SLC24A2: variants seen among roughly 807,000 people sequenced by gnomAD.
SLC24A2 encodes sodium/potassium/calcium exchanger 2.
SLC24A2 carries 36 observed loss-of-function variants against 62.0 expected under a neutral mutation model. The observed-to-expected ratio is 0.58, with a 90% CI of 0.44 to 0.77. The LOEUF is 0.77. Ranked by LOEUF, SLC24A2 falls within the 30% of genes least tolerant of loss-of-function variation. SLC24A2 has a pLI of 0.00. For missense variants in SLC24A2, 846 were observed against 817.9 expected, an observed-to-expected ratio of 1.03 and a Z score of -0.42; for synonymous variants, 358 against 294.0, an observed-to-expected ratio of 1.22 and a Z score of -2.23.
At chr9:20,023,358 G>A in the SLC24A2 span, among the ~76,000 whole-genome samples, 1 of 152,218 alleles carries the variant, frequency 6.6e-6, no homozygotes, top group African/African-American at 2.4e-5. Flanking sequence ...AAACACAAAG[G>A]GAACTCCATA....
At chr9:19,903,039 CTT>C in the SLC24A2 span, among the ~76,000 whole-genome samples, 12 of 145,750 alleles carry the variant, frequency 8.2e-5, no homozygotes, top group African/African-American at 1.8e-4. Context: ...AAAAATCAGG[CTT>C]TTTTTTTTTT....
intron 10 of SLC24A2, among the ~76,000 whole-genome samples, chr9:19,519,726 C>T (rs1039182591): frequency 3.3e-5 from 5 of 152,160 alleles, no homozygotes; most frequent in African/African-American, 9.7e-5. Flanking sequence ...GGGCAAGAGC[C>T]TCCAAGTCAG....
chr9:20,063,119 T>C, the SLC24A2 span, among the ~76,000 whole-genome samples: 1 of 122,606 alleles, frequency 8.2e-6, no homozygotes, highest in Admixed American at 9.5e-5. Context: ...AAATACCATT[T>C]GACACAGCCA....
chr9:19,772,086 G>C (rs1375277842), intron 2 of SLC24A2, among the ~76,000 whole-genome samples: 1 of 152,146 alleles, frequency 6.6e-6, no homozygotes, highest in Non-Finnish European at 1.5e-5. Context: ...ATTTTATGAC[G>C]AGAAAGTCTT....
At chr9:20,291,182 G>A in the SLC24A2 span, among the ~76,000 whole-genome samples, 1 of 152,104 alleles carries the variant, frequency 6.6e-6, no homozygotes, top group Non-Finnish European at 1.5e-5. Context: ...GCAACTGAGA[G>A]CAAGCAAGGC....
intron 3 of SLC24A2, among the ~76,000 whole-genome samples, chr9:19,620,383 T>C (rs1390769541): frequency 2.0e-5 from 3 of 152,212 alleles, no homozygotes; most frequent in Non-Finnish European, 4.4e-5. Flanking sequence ...ACTACAGCTC[T>C]AATCCAGAAA....
chr9:20,287,260 G>C, the SLC24A2 span, among the ~76,000 whole-genome samples: 2 of 152,184 alleles, frequency 1.3e-5, no homozygotes, highest in African/African-American at 2.4e-5. Context: ...TGGTCCTCCT[G>C]ATAAGGACTA....
chr9:19,716,011 G>T (rs1820850359), intron 2 of SLC24A2, among the ~76,000 whole-genome samples: 1 of 152,074 alleles, frequency 6.6e-6, no homozygotes, highest in Non-Finnish European at 1.5e-5. Context: ...AACAATATAT[G>T]GGCAAAATAT....
chr9:19,568,159 G>C (rs1259813416), intron 7 of SLC24A2, among the ~76,000 whole-genome samples: 3 of 152,070 alleles, frequency 2.0e-5, no homozygotes, highest in Admixed American at 6.6e-5. Flanking sequence ...AAAATGAAAA[G>C]CCATTGAATC....
the SLC24A2 span, among the ~76,000 whole-genome samples, chr9:20,251,669 T>C: frequency 6.6e-6 from 1 of 152,308 alleles, no homozygotes; most frequent in African/African-American, 2.4e-5. Context: ...GCTGCAGCAA[T>C]TTTTAAAAAT....
At chr9:20,215,404 T>A in the SLC24A2 span, among the ~76,000 whole-genome samples, 1 of 152,140 alleles carries the variant, frequency 6.6e-6, no homozygotes, top group Non-Finnish European at 1.5e-5. Context: ...AACAATTCTT[T>A]CAATGGGTAG....
chr9:20,109,939 A>G, the SLC24A2 span, among the ~76,000 whole-genome samples: 3 of 152,162 alleles, frequency 2.0e-5, no homozygotes, highest in African/African-American at 7.2e-5. Context: ...ATTTTTCTTT[A>G]AAGATTTCCT....
chr9:20,295,028 G>GTATATATA, the SLC24A2 span, among the ~76,000 whole-genome samples: 4 of 141,364 alleles, frequency 2.8e-5, no homozygotes, highest in Non-Finnish European at 6.1e-5. Flanking sequence ...GTGCATATGT[G>GTATATATA]TATATATGTA....
At chr9:19,906,463 G>C in the SLC24A2 span, among the ~76,000 whole-genome samples, 1 of 151,662 alleles carries the variant, frequency 6.6e-6, no homozygotes. Context: ...CAGAAGGCAA[G>C]AAATAACTAA....
At chr9:19,741,049 T>C (rs2118765856) in intron 2 of SLC24A2, among the ~76,000 whole-genome samples, 1 of 152,304 alleles carries the variant, frequency 6.6e-6, no homozygotes, top group African/African-American at 2.4e-5. Flanking sequence ...GATGTTGCTA[T>C]CCTCTGTATG....
the SLC24A2 span, among the ~76,000 whole-genome samples, chr9:20,240,978 A>G: frequency 6.6e-6 from 1 of 152,208 alleles, no homozygotes; most frequent in African/African-American, 2.4e-5. Flanking sequence ...TCTTAACTTC[A>G]TAAGAAGATG....
chr9:20,249,341 C>G, the SLC24A2 span, among the ~76,000 whole-genome samples: 2 of 152,084 alleles, frequency 1.3e-5, no homozygotes, highest in African/African-American at 2.4e-5. Context: ...ATTTCCTGAG[C>G]CTCAGTTTTC....
the SLC24A2 span, among the ~76,000 whole-genome samples, chr9:20,257,491 T>G: frequency 8.9e-6 from 1 of 112,792 alleles, no homozygotes; most frequent in African/African-American, 3.0e-5. Context: ...GAAAAGGCAC[T>G]GGTGTTAGGA....
chr9:19,578,915 C>G (rs1247364012), intron 5 of SLC24A2, among the ~76,000 whole-genome samples: 1 of 152,092 alleles, frequency 6.6e-6, no homozygotes, highest in African/African-American at 2.4e-5. Context: ...GCCATAAGTA[C>G]CTTAGTCTAG....
Sources: allele counts gnomAD v4.1 joint callset (sites outside exome capture counted in the v4.1 genomes callset), GRCh38; gene constraint gnomAD v4.1.1; transcripts MANE v1.5; gene names NCBI Gene and HGNC (gene_info 2026-07-23, HGNC 2026-07-21).